Variants in RBBP5 observed in about 807,000 individuals in gnomAD.
RBBP5 encodes RB binding protein 5, histone lysine methyltransferase complex subunit.
A neutral mutation model predicts 72.2 loss-of-function variants in RBBP5; 5 were observed. The ratio of observed to expected loss-of-function variants is 0.07; its 90% confidence interval spans 0.04 to 0.15. RBBP5 has a LOEUF of 0.15. Among genes scored for constraint, RBBP5 ranks in the 10% least tolerant of loss-of-function variants. RBBP5 has a pLI of 1.00. For synonymous variants in RBBP5, 209 were observed against 237.2 expected (o/e 0.88, Z 1.09); for missense variants, 322 against 652.2 (o/e 0.49, Z 5.51).
At chr1:205,095,627 C>G (rs1655581251) in intron 12 of RBBP5, among the ~76,000 whole-genome samples, 1 of 152,140 alleles carries the variant, frequency 6.6e-6, no homozygotes, top group Admixed American at 6.5e-5. Flanking sequence ...CATGTGAGAG[C>G]AGAAAGAGAA....
chr1:205,100,970 C>T (rs756810262), intron 6 of RBBP5, among the ~76,000 whole-genome samples: 27 of 152,104 alleles, frequency 1.8e-4, no homozygotes, highest in Non-Finnish European at 3.5e-4. Context: ...AAATAGGGTC[C>T]GTGCTCCTAT....
intron 12 of RBBP5, 22 bp downstream of exon 12, chr1:205,096,660 A>T (rs746055628): frequency 4.4e-6 from 7 of 1,604,872 alleles, no homozygotes; most frequent in Non-Finnish European, 6.0e-6. Flanking sequence ...GCCAGGCCAG[A>T]GGGAGAAGAT....
At chr1:205,120,179 C>A (rs1397296756) in intron 1 of RBBP5, among the ~76,000 whole-genome samples, 2 of 152,150 alleles carry the variant, frequency 1.3e-5, no homozygotes, top group Non-Finnish European at 2.9e-5. Flanking sequence ...TTCCTCATCA[C>A]TCATATAATC....
chr1:205,095,935 G>A (rs541423577), intron 12 of RBBP5, among the ~76,000 whole-genome samples: 4 of 152,334 alleles, frequency 2.6e-5, no homozygotes, highest in African/African-American at 9.6e-5. Context: ...GTTCACGCCT[G>A]TAATCCCAGC....
chr1:205,097,435 A>C, intron 10 of RBBP5, 40 bp from the exon 11 acceptor site: 1 of 1,537,648 alleles, frequency 6.5e-7, no homozygotes, highest in Non-Finnish European at 8.8e-7. Context: ...AGAAGAAGTG[A>C]AAAACTGCTT....
chr1:205,115,794 T>C, intron 2 of RBBP5, 64 bp downstream of exon 2: 1 of 1,465,668 alleles, frequency 6.8e-7, no homozygotes, highest in South Asian at 1.4e-5. Context: ...AAGTATTTTC[T>C]GTTCTAACAT....
intron 4 of RBBP5, among the ~76,000 whole-genome samples, chr1:205,104,652 C>A (rs919287509): frequency 6.6e-6 from 1 of 152,048 alleles, no homozygotes; most frequent in Non-Finnish European, 1.5e-5. Context: ...ACCAACCTGG[C>A]CAACATGGGG....
chr1:205,107,448 C>G (rs937706383), intron 3 of RBBP5, among the ~76,000 whole-genome samples: 19 of 152,024 alleles, frequency 1.2e-4, no homozygotes, highest in African/African-American at 4.4e-4. Flanking sequence ...CCATGAAGGC[C>G]AGAAGGAAGT....
chr1:205,104,885 C>A, intron 4 of RBBP5, 143 bp downstream of exon 4: 1 of 960,014 alleles, frequency 1.0e-6, no homozygotes, highest in South Asian at 1.8e-5. Flanking sequence ...TAGAGCCAAC[C>A]TAGATGGAAA....
rs1311995338 is a variant in RBBP5, at chr1:205,093,491, T to A, written c.1588+1382A>T. 0.029 allele frequency among the ~76,000 whole-genome samples: 164 copies of A among 5,596 alleles called. 37 individuals carry two copies. The East Asian group carries it at 0.41, about 14-fold the overall frequency. 3.7% of individuals were successfully genotyped at this position (5,596 alleles called of 152,430 possible). A position where few individuals can be genotyped will look rare whatever the true frequency, so the allele number is the denominator to read the frequency against. Reference sequence around the variant, plus strand: ...AAAAAAAAAAAAAAATATATATATATATATATATATATATATATATATATA... The same window carrying A: ...AAAAAAAAAAAAAAATATATATATAAATATATATATATATATATATATATA... On this transcript the variant is annotated intron_variant, in intron 13 of 13. Coordinates refer to ENST00000264515, the MANE Select transcript of RBBP5 (RefSeq NM_005057.4).
In RBBP5 at chr1:205,101,851, T is replaced by C. The variant is rs1047351111; in HGVS notation, c.523-142A>G. On this transcript the variant is annotated intron_variant, in intron 5 of 13. Transcript: ENST00000264515. ...ATATATTTGACCTGATTAACTGGTA[T>C]TGCTGTTTTGCTTCCTTAAGTAAGA... 8 of 550,552 alleles carry C rather than the reference T, an allele frequency of 1.5e-5. No individual in the cohort carries two copies. The African/African-American group carries it at 1.6e-4, about 11-fold the overall frequency. The allele number at this position is 550,552 out of a possible 1,614,324, so 34.1% of individuals were successfully genotyped here.
chr1:205,096,869 G>A lies in RBBP5; in HGVS notation c.1209C>T (p.Pro403=), dbSNP rs952418130. The A allele has an allele frequency of 1.2e-6, 2 of 1,613,332 alleles. No individual in the cohort carries two copies. The highest frequency in any genetic ancestry group is 4.5e-5 in the East Asian group (2 of 44,886). The change falls in exon 12 of 14, where the codon CCC becomes CCT. Residue 403 remains proline, a synonymous_variant. Transcript: ENST00000264515. Reference sequence around the variant, plus strand: ...CTGGGTCTTCTACCTCAGGGGCAATGGGTAAATACAATAGAGCCTTTGAAT... The same window carrying A: ...CTGGGTCTTCTACCTCAGGGGCAATAGGTAAATACAATAGAGCCTTTGAAT... ...LEDSKALLYL[P]IAPEVEDPEE...
At position 205,100,038 on chromosome 1, in the gene RBBP5, G is replaced by C; in HGVS notation, c.779C>G (p.Ser260Cys). 1 of 1,614,028 alleles carries C rather than the reference G, an allele frequency of 6.2e-7. No homozygotes were observed. The highest frequency in any genetic ancestry group is 8.5e-7 in the Non-Finnish European group (1 of 1,179,932). The change falls in exon 8 of 14, where the codon TCT (serine) becomes TGT (cysteine). Residue 260 changes from serine (S) to cysteine (C), a missense_variant. Ser to Cys is a moderately radical substitution (Grantham distance 112, BLOSUM62 -1). Around this residue, in one of 6 missense-constraint regions of RBBP5, gnomAD observed 161 missense variants for 327.8 expected, o/e 0.49. Transcript: ENST00000264515. ...NRTPWKKCCF[S>C]GDGEYIVAGS... ...TGCCACGATGTATTCCCCATCCCCA[G>C]AGAAACAACATTTCTTCCATGGGGT...
At chr1:205,116,443 C>A (rs1233359465) in intron 1 of RBBP5, 1 of 191,752 alleles carries the variant, frequency 5.2e-6, no homozygotes, top group Non-Finnish European at 1.1e-5. Flanking sequence ...AGTTTGAGAA[C>A]TGTTGACATA....
At chr1:205,116,463 G>C (rs1656526681) in intron 1 of RBBP5, 2 of 179,326 alleles carry the variant, frequency 1.1e-5, no homozygotes, top group South Asian at 1.9e-4. Flanking sequence ...ATCCAAGTTA[G>C]CAACAGTCTT....
chr1:205,107,395 A>G (rs1373234392), intron 3 of RBBP5, among the ~76,000 whole-genome samples: 1 of 152,198 alleles, frequency 6.6e-6, no homozygotes, highest in African/African-American at 2.4e-5. Context: ...CCTTATCTAT[A>G]GGGGAACAAC....
chr1:205,098,158 A>C (rs1311338033), intron 10 of RBBP5, among the ~76,000 whole-genome samples: 1 of 152,234 alleles, frequency 6.6e-6, no homozygotes, highest in African/African-American at 2.4e-5. Flanking sequence ...AATGCTTTAC[A>C]TGAATTATTT....
chr1:205,094,849 A>T, intron 13 of RBBP5, 24 bp downstream of exon 13: 1 of 1,593,434 alleles, frequency 6.3e-7, no homozygotes, highest in Non-Finnish European at 8.6e-7. Context: ...AGCAAGCCAG[A>T]CAATGCTCCC....
rs1273076682 is a variant in RBBP5 at position 205,086,854 on chromosome 1, A to T, written c.*1933T>A. 1 of 152,240 alleles carries T rather than the reference A, an allele frequency of 6.6e-6. No homozygotes were observed. Among genetic ancestry groups the T allele is most frequent in the East Asian group, 1.9e-4 (1 of 5,190 alleles). The allele number at this position is 152,240 out of a possible 1,614,324, so 9.4% of individuals were successfully genotyped here. On this transcript the variant is annotated 3_prime_UTR_variant, in exon 14 of 14. Coordinates refer to ENST00000264515, the MANE Select transcript of RBBP5 (RefSeq NM_005057.4). The stretch of plus-strand genomic sequence containing the variant: ...ATGGCAGAAACCCTCTAAGTCCCAT[A>T]GTTTGCACACTGCTGCAGTGTACAG...
Sources: allele counts gnomAD v4.1 joint callset (sites outside exome capture counted in the v4.1 genomes callset), GRCh38; gene constraint gnomAD v4.1.1; regional missense constraint gnomAD v4.1.1; transcripts MANE v1.5; gene names NCBI Gene and HGNC (gene_info 2026-07-23, HGNC 2026-07-21).